The following SCAP variants were observed in gnomAD, a reference collection of about 807,000 sequenced individuals.
SCAP encodes the protein SREBF chaperone.
Under a neutral mutation model 123.6 loss-of-function variants are expected in SCAP, and 65 were observed. That is an observed-to-expected ratio of 0.53 (90% CI 0.43 to 0.65). The LOEUF (loss-of-function observed/expected upper bound fraction) is 0.65, where lower values mean the gene tolerates loss of function less well. Ranked by LOEUF, SCAP falls within the 30% of genes least tolerant of loss-of-function variation. The pLI is 0.00. For missense variants in SCAP, 1,398 were observed against 1,712.5 expected (o/e 0.82, Z 3.24); for synonymous variants, 740 against 726.3 (o/e 1.02, Z -0.30).
chr3:47,425,514 G>C lies in SCAP; in HGVS notation c.1008C>G (p.Leu336=), dbSNP rs1482458254. Residue 336 remains leucine, a synonymous_variant, in exon 8 of 23, where the codon CTC becomes CTG. Transcript: ENST00000265565. The part of the protein sequence containing the change: ...SLLMSVGLCT[L]FGLTPTLNGG... Reference sequence around the variant, plus strand: ...CATTGAGGGTGGGCGTCAGGCCGAAGAGTGTGCAGAGTCCCACAGACATGA... The same window carrying C: ...CATTGAGGGTGGGCGTCAGGCCGAACAGTGTGCAGAGTCCCACAGACATGA... The C allele has an allele frequency of 1.2e-6, 2 of 1,613,960 alleles. No individual in the cohort carries two copies. The highest frequency in any genetic ancestry group is 3.3e-5 in the Admixed American group (2 of 60,030).
intron 18 of SCAP, 149 bp downstream of exon 18, chr3:47,416,973 T>C: frequency 1.4e-6 from 1 of 703,692 alleles, no homozygotes; most frequent in Non-Finnish European, 2.4e-6. Flanking sequence ...TGGACTGCCC[T>C]CTGCTCACAG....
chr3:47,472,460 A>AAATAAT (rs34363569), intron 1 of SCAP, among the ~76,000 whole-genome samples: 3,956 of 145,660 alleles, frequency 0.027, 61 homozygotes, highest in Middle Eastern at 0.043. Flanking sequence ...AAATAAAATA[A>AAATAAT]AATAATAATA....
rs1441924994 is a variant in SCAP, at chr3:47,413,877, A to G, written c.3817T>C (p.Ser1273Pro). ...GCTCAGTCCAGCTTCTCCAGCACAG[A>G]GGGCACATACACCAGGCTGAGCTCA... is the stretch of plus-strand genomic sequence containing the variant. Reference protein sequence around the residue: ...GSELSLVYVPSVLEKLD With the variant: ...GSELSLVYVPPVLEKLD Residue 1273 changes from serine to proline, a missense_variant, in exon 23 of 23, where the codon TCT (serine) becomes CCT (proline). This residue lies in a region of SCAP where 130 missense variants were observed against 166.7 expected (regional missense o/e 0.78). Transcript: ENST00000265565. The G allele has an allele frequency of 2.5e-6, 4 of 1,612,878 alleles. No individual in the cohort carries two copies. Among genetic ancestry groups the G allele is most frequent in the Non-Finnish European group, 3.4e-6 (4 of 1,180,012 alleles).
intron 1 of SCAP, among the ~76,000 whole-genome samples, chr3:47,449,146 C>T (rs1490889968): frequency 6.6e-6 from 1 of 152,174 alleles, no homozygotes; most frequent in African/African-American, 2.4e-5. Flanking sequence ...CAGTAATGTA[C>T]TCCACAGTTT....
intron 2 of SCAP, among the ~76,000 whole-genome samples, chr3:47,438,430 G>GAGAA: frequency 9.2e-4 from 1 of 1,086 alleles, no homozygotes; most frequent in Non-Finnish European, 9.6e-3. Context: ...ACGACTACAA[G>GAGAA]TGATCAGAAT....
intron 1 of SCAP, among the ~76,000 whole-genome samples, chr3:47,474,040 C>G (rs914384676): frequency 6.6e-6 from 1 of 151,662 alleles, no homozygotes; most frequent in Non-Finnish European, 1.5e-5. Context: ...CCGAAGCGGA[C>G]GGATCATGAG....
intron 6 of SCAP, 27 bp downstream of exon 6, chr3:47,427,130 A>ATTG: frequency 6.5e-7 from 1 of 1,542,496 alleles, no homozygotes; most frequent in Non-Finnish European, 9.0e-7. Flanking sequence ...CAGACCAGTC[A>ATTG]AGAGCCCAGG....
chr3:47,442,385 GAAGTC>G (rs1254290808), intron 2 of SCAP, among the ~76,000 whole-genome samples: 10 of 152,160 alleles, frequency 6.6e-5, no homozygotes, highest in African/African-American at 2.4e-4. Context: ...GAATCAACAA[GAAGTC>G]TGAAGCAAGC....
At chr3:47,429,535 G>A (rs1446785357) in intron 3 of SCAP, among the ~76,000 whole-genome samples, 1 of 152,180 alleles carries the variant, frequency 6.6e-6, no homozygotes, top group Non-Finnish European at 1.5e-5. Context: ...TGTTTTGTAG[G>A]GACAGGGTAT....
At chr3:47,458,465 T>C (rs1433102480) in intron 1 of SCAP, among the ~76,000 whole-genome samples, 1 of 152,040 alleles carries the variant, frequency 6.6e-6, no homozygotes, top group Non-Finnish European at 1.5e-5. Flanking sequence ...ATTGAAAAAA[T>C]AAAGGAATTT....
chr3:47,429,053 C>T (rs1706257213), intron 3 of SCAP: 1 of 189,678 alleles, frequency 5.3e-6, no homozygotes, highest in Admixed American at 5.4e-5. Context: ...TGCTCAAAGA[C>T]TTCCCAGAAA....
intron 1 of SCAP, among the ~76,000 whole-genome samples, chr3:47,458,266 C>A (rs1475561828): frequency 1.3e-5 from 2 of 152,034 alleles, no homozygotes; most frequent in Non-Finnish European, 2.9e-5. Flanking sequence ...CCCGTCTCTA[C>A]TCAAAAACAA....
chr3:47,452,872 G>C (rs1707275895), intron 1 of SCAP, among the ~76,000 whole-genome samples: 1 of 151,510 alleles, frequency 6.6e-6, no homozygotes. Context: ...AAGACTGCTT[G>C]AGGCCAGGAA....
chr3:47,430,716 T>C (rs1384100377), intron 3 of SCAP, among the ~76,000 whole-genome samples: 1 of 151,648 alleles, frequency 6.6e-6, no homozygotes. Flanking sequence ...TCCCCGGGAG[T>C]TGGTGACAAC....
chr3:47,442,392 GAAGCA>G (rs1559556300), intron 2 of SCAP, among the ~76,000 whole-genome samples: 10 of 152,154 alleles, frequency 6.6e-5, no homozygotes, highest in African/African-American at 2.4e-4. Context: ...CAAGAAGTCT[GAAGCA>G]AGCTCCATGT....
At position 47,426,185 on chromosome 3, in the gene SCAP, G is replaced by A. The variant is rs1559546962; in HGVS notation, c.738-16C>T. On this transcript the variant is annotated splice_polypyrimidine_tract_variant and intron_variant, in intron 6 of 22. Coordinates refer to ENST00000265565, the MANE Select transcript of SCAP (RefSeq NM_012235.4). ...GCCCAGGAACCTGGTCAAGGAGCAG[G>A]GTGGGGGTAAATGGAAGTGTTGCTC... 2 of 1,609,232 alleles carry A rather than the reference G, an allele frequency of 1.2e-6. No individual in the cohort carries two copies. Among genetic ancestry groups the A allele is most frequent in the Admixed American group, 1.7e-5 (1 of 58,498 alleles).
rs1410173752 is a variant in SCAP at position 47,418,398 on chromosome 3, C to T, written c.2254G>A (p.Glu752Lys). 1 of 1,574,558 alleles carries T rather than the reference C, an allele frequency of 6.4e-7. No homozygotes were observed. The highest frequency in any genetic ancestry group is 1.3e-5 in the African/African-American group (1 of 74,162). Residue 752 changes from glutamate to lysine, a missense_variant, in exon 15 of 23, where the codon GAG (glutamate) becomes AAG (lysine). By Grantham distance (56) the Glu-to-Lys change is moderately conservative. Transcript: ENST00000265565. ...TAGCCGTAGTCGTCGCAGGGCAGCT[C>T]CCCGCGCCTCCGCCGCCCGGGCCCA... ...GGGPGRRRRG[E>K]LPCDDYGYAP...
chr3:47,427,721 C>G, intron 4 of SCAP, 54 bp from the exon 5 acceptor site: 4 of 1,479,402 alleles, frequency 2.7e-6, no homozygotes, highest in South Asian at 2.4e-5. Context: ...CAGGGCAGAC[C>G]TGCTGTACTT....
chr3:47,432,201 C>T (rs1373016698), intron 3 of SCAP, among the ~76,000 whole-genome samples: 1 of 151,618 alleles, frequency 6.6e-6, no homozygotes, highest in Non-Finnish European at 1.5e-5. Flanking sequence ...CCTGTAGTCC[C>T]AGCTACTCGG....
Sources: gnomAD v4.1 joint callset for allele counts (sites outside exome capture counted in the v4.1 genomes callset) on GRCh38, gnomAD v4.1.1 for gene constraint, gnomAD v4.1.1 regional missense constraint, MANE v1.5 for transcripts, NCBI Gene and HGNC (gene_info 2026-07-23, HGNC 2026-07-21) for gene names.